TTC12: variants seen among roughly 807,000 people sequenced by gnomAD.
The protein encoded by TTC12 is tetratricopeptide repeat protein 12.
In TTC12, 70 loss-of-function variants were observed where a neutral mutation model predicts 90.1. The ratio of observed to expected loss-of-function variants is 0.78; its 90% CI spans 0.64 to 0.95. The LOEUF (loss-of-function observed/expected upper bound fraction) is 0.95, where lower values mean the gene tolerates loss of function less well. Ranked by LOEUF, TTC12 falls within the 40% of genes least tolerant of loss-of-function variation. TTC12 has a pLI of 0.00. For synonymous variants in TTC12, 296 were observed against 311.5 expected (o/e 0.95, Z 0.53); for missense variants, 819 against 846.1 (o/e 0.97, Z 0.40).
intron 7 of TTC12, among the ~76,000 whole-genome samples, chr11:113,332,381 A>C (rs1320563734): frequency 1.3e-5 from 2 of 152,208 alleles, no homozygotes; most frequent in African/African-American, 4.8e-5. Flanking sequence ...TCACGGTGAC[A>C]CACGATAGGC....
Position 113,323,397 on chromosome 11 carries a change from A to G in TTC12, c.168A>G (p.Glu56=). The change falls in exon 3 of 22, where the codon GAA becomes GAG. Residue 56 remains glutamate (E), a synonymous_variant. Transcript: ENST00000529221. ...TGGAGGAAGACCAGGAGGAGGATGAATGCAGGACCACCTTGAACAAGACTA... is the reference window on the plus strand; with the variant it reads ...TGGAGGAAGACCAGGAGGAGGATGAGTGCAGGACCACCTTGAACAAGACTA... ...LLMEEDQEED[E]CRTTLNKTMI... is the part of the protein sequence containing the mutation. The G allele has an allele frequency of 1.9e-6, 3 of 1,613,250 alleles. No homozygotes were observed. The highest frequency in any genetic ancestry group is 1.6e-4 in the Middle Eastern group (1 of 6,062).
At chr11:113,328,631 T>G (rs1181630660) in intron 6 of TTC12, among the ~76,000 whole-genome samples, 1 of 152,190 alleles carries the variant, frequency 6.6e-6, no homozygotes, top group Non-Finnish European at 1.5e-5. Context: ...TATTGAGATA[T>G]AATTCACATA....
At chr11:113,338,736 C>A in intron 8 of TTC12, 38 bp from the exon 9 acceptor site, 2 of 1,555,070 alleles carry the variant, frequency 1.3e-6, no homozygotes, top group African/African-American at 1.4e-5. Context: ...ATCACCTTTA[C>A]CCCAACCACT....
At chr11:113,334,131 G>A (rs1204568113) in intron 7 of TTC12, among the ~76,000 whole-genome samples, 1 of 152,140 alleles carries the variant, frequency 6.6e-6, no homozygotes, top group Non-Finnish European at 1.5e-5. Flanking sequence ...TTAGACTCCC[G>A]AGCTTGAACT....
At chr11:113,345,063 GTATT>G (rs2049397767) in intron 13 of TTC12, among the ~76,000 whole-genome samples, 1 of 151,822 alleles carries the variant, frequency 6.6e-6, no homozygotes, top group South Asian at 2.1e-4. Context: ...CTTGTTTTAC[GTATT>G]TATTTACTTT....
At chr11:113,335,647 G>C (rs540325461) in intron 8 of TTC12, among the ~76,000 whole-genome samples, 1 of 151,990 alleles carries the variant, frequency 6.6e-6, no homozygotes, top group East Asian at 1.9e-4. Flanking sequence ...ACATTTGCCC[G>C]TTCTGTAGAT....
intron 6 of TTC12, 135 bp from the exon 7 acceptor site, chr11:113,329,785 C>T (rs1947916254): frequency 5.2e-6 from 4 of 776,322 alleles, no homozygotes; most frequent in South Asian, 2.8e-5. Flanking sequence ...CATCTGTTTC[C>T]TGGCAGGACC....
intron 16 of TTC12, among the ~76,000 whole-genome samples, chr11:113,356,647 ATTTCCTCACCAT>A (rs140697921): frequency 0.025 from 3,821 of 152,166 alleles, 171 homozygotes; most frequent in African/African-American, 0.088. Flanking sequence ...GTGATAATGA[ATTTCCTCACCAT>A]TTGCTTATTT....
chr11:113,351,293 C>G lies in TTC12; in HGVS notation c.1302C>G (p.Gly434=). The part of the protein sequence containing the change: ...NLPGVLPALT[G]VLKTDPKVSS... ...CAGGTGTTCTCCCTGCACTCACAGGCGTTCTGGTGAGCAAACTGTCATTTT... is the reference window on the plus strand; with the variant it reads ...CAGGTGTTCTCCCTGCACTCACAGGGGTTCTGGTGAGCAAACTGTCATTTT... The change falls in exon 15 of 22, where the codon GGC becomes GGG. Residue 434 remains glycine, a synonymous_variant. Coordinates refer to ENST00000529221, the MANE Select transcript of TTC12 (RefSeq NM_017868.4). 6.2e-7 allele frequency: 1 copy of G among 1,613,798 alleles called. No homozygotes were observed. Among genetic ancestry groups the G allele is most frequent in the South Asian group, 1.1e-5 (1 of 91,066 alleles).
At chr11:113,371,770 T>G (rs1187746231) in intron 21 of TTC12, among the ~76,000 whole-genome samples, 1 of 152,198 alleles carries the variant, frequency 6.6e-6, no homozygotes, top group Non-Finnish European at 1.5e-5. Flanking sequence ...GCTTTAAGTT[T>G]TAAGTTTCAT....
chr11:113,320,068 TAA>T (rs1947206752), intron 2 of TTC12, among the ~76,000 whole-genome samples: 2 of 152,110 alleles, frequency 1.3e-5, no homozygotes, highest in African/African-American at 4.8e-5. Flanking sequence ...ACATATTCCA[TAA>T]AAACAAATGA....
chr11:113,349,091 G>T (rs1257453963), intron 13 of TTC12, among the ~76,000 whole-genome samples: 2 of 152,282 alleles, frequency 1.3e-5, no homozygotes, highest in African/African-American at 2.4e-5. Context: ...CACATTGCCT[G>T]GTACACAGTC....
chr11:113,332,464 T>G (rs1309571717), intron 7 of TTC12, among the ~76,000 whole-genome samples: 2 of 152,242 alleles, frequency 1.3e-5, no homozygotes, highest in African/African-American at 4.8e-5. Context: ...TGCCAGTGAA[T>G]GCACTGTGAA....
At chr11:113,348,949 C>G (rs1382273793) in intron 13 of TTC12, among the ~76,000 whole-genome samples, 2 of 152,350 alleles carry the variant, frequency 1.3e-5, no homozygotes, top group African/African-American at 2.4e-5. Context: ...ATTCTATGCC[C>G]ACATAGTCTG....
chr11:113,317,605 T>C (rs976918725), intron 2 of TTC12, among the ~76,000 whole-genome samples: 32 of 152,184 alleles, frequency 2.1e-4, no homozygotes, highest in African/African-American at 6.5e-4. Context: ...GACACTTCTC[T>C]GCTTGGATTC....
chr11:113,364,179 T>C (rs1349960433), intron 20 of TTC12, among the ~76,000 whole-genome samples: 1 of 152,182 alleles, frequency 6.6e-6, no homozygotes, highest in Non-Finnish European at 1.5e-5. Context: ...GGGTCAAAGC[T>C]AGGAAACTCC....
chr11:113,323,212 T>C (rs1429144572), intron 2 of TTC12, 76 bp from the exon 3 acceptor site: 16 of 1,211,160 alleles, frequency 1.3e-5, no homozygotes, highest in Non-Finnish European at 1.6e-5. Context: ...CCATGCATTT[T>C]ATGCACCATC....
chr11:113,333,106 G>C (rs1385628582), intron 7 of TTC12, among the ~76,000 whole-genome samples: 1 of 151,956 alleles, frequency 6.6e-6, no homozygotes, highest in Non-Finnish European at 1.5e-5. Flanking sequence ...TCATGTCTGC[G>C]TGCCACCTTC....
At chr11:113,350,380 G>A (rs1410686260) in intron 14 of TTC12, among the ~76,000 whole-genome samples, 3 of 152,180 alleles carry the variant, frequency 2.0e-5, no homozygotes. Flanking sequence ...GGCCTCCATG[G>A]GTTTGGAAGC....
Sources: gnomAD v4.1 joint callset for allele counts (sites outside exome capture counted in the v4.1 genomes callset) on GRCh38, gnomAD v4.1.1 for gene constraint, MANE v1.5 for transcripts, NCBI Gene and HGNC (gene_info 2026-07-23, HGNC 2026-07-21) for gene names.